The following AGPAT4 variants were observed in gnomAD, a reference collection of about 807,000 sequenced individuals.
AGPAT4 encodes the protein 1-acyl-sn-glycerol-3-phosphate acyltransferase delta.
Under a neutral mutation model 48.0 loss-of-function variants are expected in AGPAT4, and 15 were observed. That is an observed-to-expected ratio of 0.31 (90% CI 0.21 to 0.48). The LOEUF (loss-of-function observed/expected upper bound fraction) is 0.48. Ranked by LOEUF, AGPAT4 falls within the 20% of genes least tolerant of loss-of-function variation. The pLI is 0.99. For synonymous variants in AGPAT4, 178 were observed against 198.7 expected, an observed-to-expected ratio of 0.90 and a Z score of 0.88; for missense variants, 314 against 482.5, an observed-to-expected ratio of 0.65 and a Z score of 3.27.
At position 161,177,425 on chromosome 6, in the gene AGPAT4, T is replaced by A. The variant is rs1438669586; in HGVS notation, c.179-11008A>T. 6.6e-6 allele frequency among the ~76,000 whole-genome samples: 1 copy of A among 152,240 alleles called. No individual in the cohort carries two copies. On this transcript the variant is annotated intron_variant, in intron 2 of 8. Coordinates refer to ENST00000320285, the MANE Select transcript of AGPAT4 (RefSeq NM_020133.3). This position sits in a 1 kb window ranked among gnomAD's most constrained non-coding sequence, Gnocchi z 5.0. Reference sequence around the variant, plus strand: ...AATCACTGATATCGTTTCTTCCACTTGATCGAATCGGCCACTGAAACTTGT... The same window carrying A: ...AATCACTGATATCGTTTCTTCCACTAGATCGAATCGGCCACTGAAACTTGT...
In AGPAT4 at chr6:161,198,806, A is replaced by G. The variant is rs1341019364; in HGVS notation, c.179-32389T>C. Among the ~76,000 whole-genome samples the G allele has an allele frequency of 1.3e-5, 2 of 152,206 alleles. No individual in the cohort carries two copies. Among genetic ancestry groups the G allele is most frequent in the African/African-American group, 4.8e-5 (2 of 41,446 alleles). ...AATGTTAACAGGGAAACTGACCTGG[A>G]ACGTATATGTTGTTTCGAGTAAAGA... On this transcript the variant is annotated intron_variant, in intron 2 of 8. Transcript: ENST00000320285. This position sits in a 1 kb window ranked among gnomAD's most constrained non-coding sequence, Gnocchi z 4.3.
intron 2 of AGPAT4, among the ~76,000 whole-genome samples, chr6:161,224,326 A>G (rs1781911621): frequency 6.6e-6 from 1 of 152,104 alleles, no homozygotes; most frequent in Non-Finnish European, 1.5e-5. Context: ...CCGTTTTGTA[A>G]GAGATTATGA....
intron 1 of AGPAT4, among the ~76,000 whole-genome samples, chr6:161,257,205 A>C (rs142929783): frequency 1.8e-4 from 28 of 152,366 alleles, no homozygotes; most frequent in African/African-American, 6.5e-4. Context: ...GTGAATAAAG[A>C]AGCAAGAGAT....
chr6:161,229,965 C>T lies in AGPAT4; in HGVS notation c.178+2071G>A, dbSNP rs1782081998. 6.6e-6 allele frequency among the ~76,000 whole-genome samples: 1 copy of T among 152,174 alleles called. No homozygotes were observed. Among genetic ancestry groups the T allele is most frequent in the South Asian group, 2.1e-4 (1 of 4,838 alleles). On this transcript the variant is annotated intron_variant, in intron 2 of 8. Transcript: ENST00000320285. This position sits in a 1 kb window ranked among gnomAD's most constrained non-coding sequence, Gnocchi z 6.0. ...CTTCAGTGACATTAGACTACCTACC[C>T]TTCATTGCACCCGGCATTGAGATGC...
rs754031012 is a variant in AGPAT4 at position 161,217,200 on chromosome 6, C to T, written c.178+14836G>A. Among the ~76,000 whole-genome samples, 16 of 152,198 alleles carry T rather than the reference C, an allele frequency of 1.1e-4. No homozygotes were observed. Among genetic ancestry groups the T allele is most frequent in the Non-Finnish European group, 1.6e-4 (11 of 68,044 alleles). ...GGGACGCGAAAGGACAGGGGAACACCGGAGAACTCGGTCATCCGCTTGGGA... is the reference window on the plus strand; with the variant it reads ...GGGACGCGAAAGGACAGGGGAACACTGGAGAACTCGGTCATCCGCTTGGGA... On this transcript the variant is annotated intron_variant, in intron 2 of 8. Transcript: ENST00000320285. This position sits in a 1 kb window ranked among gnomAD's most constrained non-coding sequence, Gnocchi z 4.9.
intron 2 of AGPAT4, among the ~76,000 whole-genome samples, chr6:161,170,471 G>GCACA (rs1216836382): frequency 2.0e-3 from 230 of 113,804 alleles, no homozygotes; most frequent in Middle Eastern, 4.7e-3. Flanking sequence ...ACGTGCGCGC[G>GCACA]CGCACACACA....
chr6:161,269,215 G>C (rs552718939), intron 1 of AGPAT4, among the ~76,000 whole-genome samples: 2 of 152,288 alleles, frequency 1.3e-5, no homozygotes, highest in African/African-American at 4.8e-5. Context: ...TGTTCTTTCA[G>C]AAAGAGAATA....
intron 2 of AGPAT4, among the ~76,000 whole-genome samples, chr6:161,170,471 G>GCACACACACACACACACACACACACA: frequency 8.8e-6 from 1 of 113,808 alleles, no homozygotes; most frequent in East Asian, 2.2e-4. Flanking sequence ...ACGTGCGCGC[G>GCACACACACACACACACACACACACA]CGCACACACA....
At position 161,144,367 on chromosome 6, in the gene AGPAT4, A is replaced by G; in HGVS notation, c.843+2157T>C. 2 of 373,874 alleles carry G rather than the reference A, an allele frequency of 5.3e-6. No homozygotes were observed. Among genetic ancestry groups the G allele is most frequent in the African/African-American group, 2.1e-5 (1 of 47,408 alleles). 23.2% of individuals were successfully genotyped at this position (373,874 alleles called of 1,614,324 possible). Reference sequence around the variant, plus strand: ...TCATCTTTCGGACCTGAATTTCCTCATCAGTAGTGTAAGAGCTTTGGAGTA... The same window carrying G: ...TCATCTTTCGGACCTGAATTTCCTCGTCAGTAGTGTAAGAGCTTTGGAGTA... On this transcript the variant is annotated intron_variant, in intron 7 of 8. Transcript: ENST00000320285. This position sits in a 1 kb window ranked among gnomAD's most constrained non-coding sequence, Gnocchi z 6.6.
Position 161,232,067 on chromosome 6 carries a change from G to C in AGPAT4, c.147C>G (p.Ile49Met). 6.2e-7 allele frequency: 1 copy of C among 1,614,034 alleles called. No individual in the cohort carries two copies. Among genetic ancestry groups the C allele is most frequent in the South Asian group, 1.1e-5 (1 of 91,072 alleles). Residue 49 changes from isoleucine to methionine, a missense_variant, in exon 2 of 9, where the codon ATC becomes ATG. Physicochemically the swap from Ile to Met is conservative, Grantham distance 10. Coordinates refer to ENST00000320285, the MANE Select transcript of AGPAT4 (RefSeq NM_020133.3). The surrounding 1 kb of genome is among the most constrained non-coding windows in gnomAD (Gnocchi z 6.8). ...AGATGCAATAGGACAGTCTGCAGTTGATCTTCCGGAAGAGCTGCTTGTTAA... is the reference window on the plus strand; with the variant it reads ...AGATGCAATAGGACAGTCTGCAGTTCATCTTCCGGAAGAGCTGCTTGTTAA... ...WPINKQLFRK[I>M]NCRLSYCISS...
At chr6:161,152,107 G>A (rs190352765) in intron 5 of AGPAT4, among the ~76,000 whole-genome samples, 4 of 152,188 alleles carry the variant, frequency 2.6e-5, no homozygotes, top group African/African-American at 9.7e-5. Context: ...TCCTCTCCGG[G>A]AGTAAGAGCT....
Position 161,139,008 on chromosome 6 carries a change from G to A in AGPAT4, c.1042+414C>T, listed in dbSNP as rs910726. Among the ~76,000 whole-genome samples the A allele has an allele frequency of 0.043, 6,596 of 152,294 alleles. 182 individuals are homozygous for A. Among genetic ancestry groups the A allele is most frequent in the Non-Finnish European group, 0.05 (3,370 of 68,024 alleles). Reference sequence around the variant, plus strand: ...CTGCAGCAAAGGAGAAGCCACAGGCGCCCCCAGAGGAAGGCAGGGAGCTGC... The same window carrying A: ...CTGCAGCAAAGGAGAAGCCACAGGCACCCCCAGAGGAAGGCAGGGAGCTGC... On this transcript the variant is annotated intron_variant, in intron 8 of 8. Transcript: ENST00000320285. This position sits in a 1 kb window ranked among gnomAD's most constrained non-coding sequence, Gnocchi z 9.1.
intron 5 of AGPAT4, among the ~76,000 whole-genome samples, chr6:161,150,184 C>T (rs924244905): frequency 6.6e-6 from 1 of 152,164 alleles, no homozygotes. Flanking sequence ...AGTGAAGGAA[C>T]AGAAGAGATA....
intron 2 of AGPAT4, among the ~76,000 whole-genome samples, chr6:161,194,446 G>C (rs927186550): frequency 8.1e-6 from 1 of 123,670 alleles, no homozygotes; most frequent in South Asian, 2.1e-4. Flanking sequence ...GTGTGTGTTT[G>C]TGTGTGTGTG....
chr6:161,162,660 A>T (rs1779970561), intron 3 of AGPAT4, among the ~76,000 whole-genome samples: 1 of 152,240 alleles, frequency 6.6e-6, no homozygotes. Context: ...TTTGGGTCTC[A>T]TCACGCTGCC....
intron 1 of AGPAT4, among the ~76,000 whole-genome samples, chr6:161,271,956 A>G (rs1783437310): frequency 6.6e-6 from 1 of 152,344 alleles, no homozygotes; most frequent in Non-Finnish European, 1.5e-5. Context: ...AGATGCTCAC[A>G]ATCCAACCGT....
At position 161,264,069 on chromosome 6, in the gene AGPAT4, C is replaced by T. The variant is rs535922023; in HGVS notation, c.-90+9869G>A. The stretch of plus-strand genomic sequence containing the variant: ...ATGAGGTGTTATACAAAGCAGACAG[C>T]TTCTAGTAAGTGCTGCGTAACACAT... On this transcript the variant is annotated intron_variant, in intron 1 of 8. Coordinates refer to ENST00000320285, the MANE Select transcript of AGPAT4 (RefSeq NM_020133.3). This position sits in a 1 kb window ranked among gnomAD's most constrained non-coding sequence, Gnocchi z 6.8. 2.0e-5 allele frequency among the ~76,000 whole-genome samples: 3 copies of T among 152,218 alleles called. No individual in the cohort carries two copies. Among genetic ancestry groups the T allele is most frequent in the East Asian group, 3.9e-4 (2 of 5,178 alleles).
Position 161,229,572 on chromosome 6 carries a change from C to T in AGPAT4, c.178+2464G>A, listed in dbSNP as rs1354475691. 6.6e-6 allele frequency among the ~76,000 whole-genome samples: 1 copy of T among 152,124 alleles called. No individual in the cohort carries two copies. The highest frequency in any genetic ancestry group is 1.5e-5 in the Non-Finnish European group (1 of 68,010). On this transcript the variant is annotated intron_variant, in intron 2 of 8. Coordinates refer to ENST00000320285, the MANE Select transcript of AGPAT4 (RefSeq NM_020133.3). The surrounding 1 kb of genome is among the most constrained non-coding windows in gnomAD (Gnocchi z 6.0). ...AAGGAACCAGGAAAAGCGAACAGCC[C>T]TGCTAACACCTATGGGGATACCAGA... is the stretch of plus-strand genomic sequence containing the variant.
intron 2 of AGPAT4, among the ~76,000 whole-genome samples, chr6:161,190,137 G>A (rs1409626982): frequency 6.6e-6 from 1 of 152,184 alleles, no homozygotes; most frequent in Non-Finnish European, 1.5e-5. Context: ...GGGAAGGGAG[G>A]GATGAATAAG....
Sources: allele counts gnomAD v4.1 joint callset (sites outside exome capture counted in the v4.1 genomes callset), GRCh38; gene constraint gnomAD v4.1.1; non-coding constraint Gnocchi (gnomAD v3.1); transcripts MANE v1.5; gene names NCBI Gene and HGNC (gene_info 2026-07-23, HGNC 2026-07-21).